Variants in GALNT10 observed in about 807,000 individuals in gnomAD.
The protein encoded by GALNT10 is polypeptide N-acetylgalactosaminyltransferase 10, also known as GalNAc transferase 10.
GALNT10 carries 41 observed loss-of-function variants against 75.0 expected under a neutral mutation model. The ratio of observed to expected loss-of-function variants is 0.55; its 90% CI spans 0.43 to 0.71. GALNT10 has a LOEUF of 0.71. Among genes scored for constraint, GALNT10 ranks in the 30% least tolerant of loss-of-function variants. The pLI, the probability that GALNT10 is intolerant of heterozygous loss-of-function variation, is 0.00. For missense variants in GALNT10, 727 were observed against 818.5 expected (o/e 0.89, Z 1.36); for synonymous variants, 302 against 313.0 (o/e 0.96, Z 0.37).
chr5:154,196,071 G>T (rs1431282275), intron 1 of GALNT10, among the ~76,000 whole-genome samples: 1 of 152,040 alleles, frequency 6.6e-6, no homozygotes. Context: ...TTATAGGCAT[G>T]CGCCACCAAG....
intron 3 of GALNT10, among the ~76,000 whole-genome samples, chr5:154,327,640 C>CTTTACA (rs1451004532): frequency 6.6e-6 from 1 of 152,168 alleles, no homozygotes; most frequent in African/African-American, 2.4e-5. Context: ...GGAACCAGCT[C>CTTTACA]ATTCTAAAGA....
At chr5:154,311,027 C>T (rs1396262500) in intron 3 of GALNT10, among the ~76,000 whole-genome samples, 1 of 152,220 alleles carries the variant, frequency 6.6e-6, no homozygotes, top group Non-Finnish European at 1.5e-5. Context: ...AAATAATCTA[C>T]AGCAAAATGG....
intron 1 of GALNT10, among the ~76,000 whole-genome samples, chr5:154,201,666 C>G (rs1403878642): frequency 6.6e-6 from 1 of 152,086 alleles, no homozygotes; most frequent in African/African-American, 2.4e-5. Context: ...CGTGGTGGCT[C>G]TCACCTGTAA....
At chr5:154,296,876 G>A (rs1373807966) in intron 2 of GALNT10, among the ~76,000 whole-genome samples, 2 of 152,162 alleles carry the variant, frequency 1.3e-5, no homozygotes, top group Non-Finnish European at 2.9e-5. Context: ...AGCATTACAA[G>A]CTGCAGATGA....
At position 154,409,461 on chromosome 5, in the gene GALNT10, C is replaced by G. The variant is rs57257286; in HGVS notation, c.1165-80C>G. 4.8e-3 allele frequency: 4,391 copies of G among 917,110 alleles called. 136 individuals carry two copies. In the African/African-American group the frequency reaches 0.063, roughly 13 times the overall value. The allele number at this position is 917,110 out of a possible 1,614,324, so 56.8% of individuals were successfully genotyped here. ...TAAAATAAGAAGGGTTGACCTCGAC[C>G]TGCCAGGACCCTTTTCACCCCACTG... On this transcript the variant is annotated intron_variant, in intron 8 of 11. Coordinates refer to ENST00000297107, the MANE Select transcript of GALNT10 (RefSeq NM_198321.4). The surrounding 1 kb of genome is among the most constrained non-coding windows in gnomAD (Gnocchi z 4.5).
In GALNT10 at chr5:154,402,838, G is replaced by C. The variant is rs1364893124; in HGVS notation, c.1057-1266G>C. 6.6e-6 allele frequency: 1 copy of C among 152,394 alleles called. No individual in the cohort carries two copies. The highest frequency in any genetic ancestry group is 1.5e-5 in the Non-Finnish European group (1 of 68,102). 9.4% of individuals were successfully genotyped at this position (152,394 alleles called of 1,614,324 possible). A position where few individuals can be genotyped will look rare whatever the true frequency, so the allele number is the denominator to read the frequency against. ...GGCAGCTGGCTCCTCCAAAGCCAGC[G>C]GTCCCACAGAGAAAGGTGGAAGCCA... On this transcript the variant is annotated intron_variant, in intron 7 of 11. Transcript: ENST00000297107. The surrounding 1 kb of genome is among the most constrained non-coding windows in gnomAD (Gnocchi z 4.2).
intron 3 of GALNT10, among the ~76,000 whole-genome samples, chr5:154,301,102 G>T (rs566016809): frequency 2.0e-5 from 3 of 152,156 alleles, no homozygotes; most frequent in Non-Finnish European, 4.4e-5. Context: ...CTTTTTCATC[G>T]AAGAGTCCTG....
chr5:154,370,163 G>T (rs1755545125), intron 4 of GALNT10, among the ~76,000 whole-genome samples: 1 of 152,260 alleles, frequency 6.6e-6, no homozygotes, highest in South Asian at 2.1e-4. Flanking sequence ...GTCTTGAAGT[G>T]AAGGTGTTGA....
At chr5:154,198,974 T>C (rs927499338) in intron 1 of GALNT10, among the ~76,000 whole-genome samples, 3 of 152,206 alleles carry the variant, frequency 2.0e-5, no homozygotes, top group African/African-American at 7.2e-5. Flanking sequence ...GCTGTAATTG[T>C]TTTTAATCTG....
At position 154,405,700 on chromosome 5, in the gene GALNT10, G is replaced by A. The variant is rs1018514356; in HGVS notation, c.1164+1489G>A. ...TAAGGCTCACCTAAAAATAAAAATA[G>A]CCGGGCGCAGTGGTGTGTGCCTGTA... is the stretch of plus-strand genomic sequence containing the variant. On this transcript the variant is annotated intron_variant, in intron 8 of 11. Transcript: ENST00000297107. 3.8e-4 allele frequency among the ~76,000 whole-genome samples: 58 copies of A among 152,184 alleles called. 1 individual carries two copies. Among genetic ancestry groups the A allele is most frequent in the African/African-American group, 1.3e-3 (56 of 41,536 alleles).
intron 1 of GALNT10, among the ~76,000 whole-genome samples, chr5:154,200,190 TC>T (rs1456940912): frequency 6.6e-6 from 1 of 152,202 alleles, no homozygotes; most frequent in Non-Finnish European, 1.5e-5. Context: ...GAAAGCTCTT[TC>T]AGCTGAATAC....
chr5:154,345,229 A>G (rs1304148541), intron 4 of GALNT10, among the ~76,000 whole-genome samples: 1 of 152,198 alleles, frequency 6.6e-6, no homozygotes, highest in Non-Finnish European at 1.5e-5. Context: ...TCTGATATAT[A>G]TATACATTGT....
intron 1 of GALNT10, among the ~76,000 whole-genome samples, chr5:154,231,544 A>G (rs1352339062): frequency 6.6e-6 from 1 of 151,926 alleles, no homozygotes; most frequent in East Asian, 1.9e-4. Context: ...TTTTGATTTT[A>G]TTTTTTACCA....
At chr5:154,282,669 G>C (rs1012655889) in intron 1 of GALNT10, among the ~76,000 whole-genome samples, 2 of 152,130 alleles carry the variant, frequency 1.3e-5, no homozygotes, top group African/African-American at 4.8e-5. Flanking sequence ...TTTGAGCTTT[G>C]TAGCCCATTA....
intron 4 of GALNT10, among the ~76,000 whole-genome samples, chr5:154,360,966 C>A (rs7727018): frequency 6.6e-5 from 10 of 152,156 alleles, no homozygotes; most frequent in African/African-American, 2.4e-4. Context: ...CTCACACATA[C>A]TTAAGAAATG....
At chr5:154,257,234 T>C (rs1753628414) in intron 1 of GALNT10, among the ~76,000 whole-genome samples, 1 of 152,214 alleles carries the variant, frequency 6.6e-6, no homozygotes, top group Non-Finnish European at 1.5e-5. Context: ...AAGCTACTTA[T>C]CTAGCCAGTT....
At chr5:154,381,640 C>T (rs1283923714) in intron 6 of GALNT10, among the ~76,000 whole-genome samples, 1 of 152,186 alleles carries the variant, frequency 6.6e-6, no homozygotes, top group Non-Finnish European at 1.5e-5. Flanking sequence ...ATCATAGTGT[C>T]GGCAGGGCTG....
intron 9 of GALNT10, among the ~76,000 whole-genome samples, chr5:154,410,266 T>C (rs1267921879): frequency 6.6e-6 from 1 of 151,420 alleles, no homozygotes; most frequent in Non-Finnish European, 1.5e-5. Context: ...CCAGGCACAG[T>C]GGCTCAGGCC....
At chr5:154,300,542 A>G (rs1754343872) in intron 3 of GALNT10, among the ~76,000 whole-genome samples, 1 of 152,212 alleles carries the variant, frequency 6.6e-6, no homozygotes, top group Admixed American at 6.5e-5. Context: ...CTGGTGTGCA[A>G]TGAAGAATAT....
Sources: gnomAD v4.1 joint callset for allele counts (sites outside exome capture counted in the v4.1 genomes callset) on GRCh38, gnomAD v4.1.1 for gene constraint, Gnocchi (gnomAD v3.1) non-coding constraint, MANE v1.5 for transcripts, NCBI Gene and HGNC (gene_info 2026-07-23, HGNC 2026-07-21) for gene names.